Variants in RABGAP1L observed in about 807,000 individuals in gnomAD.
RABGAP1L encodes rab GTPase-activating protein 1-like.
In RABGAP1L, 63 loss-of-function variants were observed where a neutral mutation model predicts 137.7. The observed-to-expected ratio is 0.46, with a 90% CI of 0.37 to 0.56. The LOEUF is 0.56. RABGAP1L is among the 20% of genes least tolerant of loss of function. RABGAP1L has a pLI of 0.00. For synonymous variants in RABGAP1L, 431 were observed against 433.7 expected, an observed-to-expected ratio of 0.99 and a Z score of 0.08; for missense variants, 1,095 against 1,244.0, an observed-to-expected ratio of 0.88 and a Z score of 1.80.
At chr1:174,375,618 A>G (rs1056749429) in intron 12 of RABGAP1L, among the ~76,000 whole-genome samples, 3 of 152,210 alleles carry the variant, frequency 2.0e-5, no homozygotes, top group African/African-American at 7.2e-5. Context: ...GGTGAAATCG[A>G]CAAACACTTG....
chr1:174,546,188 C>T (rs1665995846), intron 13 of RABGAP1L, among the ~76,000 whole-genome samples: 1 of 151,988 alleles, frequency 6.6e-6, no homozygotes, highest in Non-Finnish European at 1.5e-5. Flanking sequence ...GGAAGCAATA[C>T]TAGAAAAAGT....
chr1:174,956,930 G>A (rs1668594626), intron 19 of RABGAP1L, among the ~76,000 whole-genome samples: 1 of 152,094 alleles, frequency 6.6e-6, no homozygotes, highest in Non-Finnish European at 1.5e-5. Context: ...TTACAGGCAT[G>A]AGCCACCACG....
At chr1:174,215,947 G>C (rs1320661925) in intron 1 of RABGAP1L, among the ~76,000 whole-genome samples, 2 of 152,182 alleles carry the variant, frequency 1.3e-5, no homozygotes, top group Non-Finnish European at 2.9e-5. Flanking sequence ...ATATACAGTG[G>C]AGTACTATTC....
intron 13 of RABGAP1L, among the ~76,000 whole-genome samples, chr1:174,551,820 C>T (rs1465956478): frequency 6.6e-6 from 1 of 152,000 alleles, no homozygotes; most frequent in Non-Finnish European, 1.5e-5. Flanking sequence ...AAGGGAAGGC[C>T]TGAATCACCA....
intron 17 of RABGAP1L, among the ~76,000 whole-genome samples, chr1:174,719,695 C>T (rs542622229): frequency 9.9e-4 from 150 of 152,170 alleles, no homozygotes; most frequent in Non-Finnish European, 1.8e-3. Flanking sequence ...TACATATTCA[C>T]GTAAAGGAAC....
chr1:174,464,571 T>A (rs1657081538), intron 13 of RABGAP1L, among the ~76,000 whole-genome samples: 1 of 152,230 alleles, frequency 6.6e-6, no homozygotes, highest in Admixed American at 6.5e-5. Context: ...GTTGTTGTTT[T>A]GTTAATGTCA....
At chr1:174,228,297 T>C (rs1571652466) in intron 3 of RABGAP1L, among the ~76,000 whole-genome samples, 1 of 152,062 alleles carries the variant, frequency 6.6e-6, no homozygotes, top group East Asian at 1.9e-4. Flanking sequence ...ACAACTTCTT[T>C]TTGGCCTCCT....
chr1:174,410,885 T>A (rs929784125), intron 13 of RABGAP1L, among the ~76,000 whole-genome samples: 12 of 152,200 alleles, frequency 7.9e-5, no homozygotes, highest in Admixed American at 3.3e-4. Context: ...TGGAATTTTT[T>A]AAAAATTGTT....
chr1:174,357,554 T>C (rs906339932), intron 11 of RABGAP1L, among the ~76,000 whole-genome samples: 3 of 152,216 alleles, frequency 2.0e-5, no homozygotes, highest in African/African-American at 7.2e-5. Flanking sequence ...GTTGTAGATA[T>C]TAAACACACA....
intron 13 of RABGAP1L, among the ~76,000 whole-genome samples, chr1:174,612,640 A>G (rs903404133): frequency 1.3e-5 from 2 of 151,770 alleles, no homozygotes; most frequent in African/African-American, 4.8e-5. Flanking sequence ...GGTACCAGTT[A>G]CTCCTTGTAC....
intron 13 of RABGAP1L, among the ~76,000 whole-genome samples, chr1:174,481,462 C>T (rs1438903302): frequency 2.0e-5 from 3 of 152,190 alleles, no homozygotes; most frequent in African/African-American, 7.2e-5. Flanking sequence ...GCCTATTTAA[C>T]AGATCCTACC....
chr1:174,296,853 G>T (rs1677173095), intron 10 of RABGAP1L, among the ~76,000 whole-genome samples: 2 of 152,202 alleles, frequency 1.3e-5, no homozygotes, highest in South Asian at 4.1e-4. Context: ...GGAAATAAAT[G>T]TCATGCATCT....
At chr1:174,597,294 A>G (rs187721540) in intron 13 of RABGAP1L, among the ~76,000 whole-genome samples, 2 of 152,294 alleles carry the variant, frequency 1.3e-5, no homozygotes, top group East Asian at 1.9e-4. Flanking sequence ...TAGGATTGAT[A>G]TTAGTTCTTC....
At chr1:174,310,542 A>G (rs1248078860) in intron 11 of RABGAP1L, among the ~76,000 whole-genome samples, 1 of 152,068 alleles carries the variant, frequency 6.6e-6, no homozygotes, top group Non-Finnish European at 1.5e-5. Flanking sequence ...TGGGTTGTTG[A>G]AATCTCTTAC....
At chr1:174,725,826 A>G (rs981790773) in intron 17 of RABGAP1L, among the ~76,000 whole-genome samples, 1 of 152,000 alleles carries the variant, frequency 6.6e-6, no homozygotes, top group African/African-American at 2.4e-5. Context: ...AAGAATTGCA[A>G]TGAGTTGGGG....
chr1:174,840,880 A>G (rs1693321010), intron 19 of RABGAP1L, among the ~76,000 whole-genome samples: 1 of 151,848 alleles, frequency 6.6e-6, no homozygotes, highest in Non-Finnish European at 1.5e-5. Context: ...AATCACACAG[A>G]CAAGATGGAA....
intron 13 of RABGAP1L, among the ~76,000 whole-genome samples, chr1:174,461,152 A>T (rs1483689345): frequency 1.3e-5 from 2 of 151,916 alleles, no homozygotes; most frequent in African/African-American, 4.8e-5. Context: ...AGGTTTCGAA[A>T]TTTTTTTCTA....
intron 7 of RABGAP1L, among the ~76,000 whole-genome samples, chr1:174,260,087 C>T (rs989495418): frequency 6.6e-6 from 1 of 152,118 alleles, no homozygotes; most frequent in African/African-American, 2.4e-5. Context: ...CCCGCCTCAG[C>T]CTCCCAAAGT....
intron 13 of RABGAP1L, among the ~76,000 whole-genome samples, chr1:174,623,230 C>T (rs2148281019): frequency 6.6e-6 from 1 of 152,162 alleles, no homozygotes; most frequent in East Asian, 1.9e-4. Context: ...AACAATGATA[C>T]GTATATCTAA....
Sources: allele counts gnomAD v4.1 joint callset (sites outside exome capture counted in the v4.1 genomes callset), GRCh38; gene constraint gnomAD v4.1.1; transcripts MANE v1.5; gene names NCBI Gene and HGNC (gene_info 2026-07-23, HGNC 2026-07-21).